BRINP3: variants seen among roughly 807,000 people sequenced by gnomAD.
BRINP3 encodes the protein BMP/retinoic acid inducible neural specific 3, also known as BMP/retinoic acid-inducible neural-specific protein 3.
Under a neutral mutation model 71.0 loss-of-function variants are expected in BRINP3, and 19 were observed. The observed-to-expected ratio is 0.27, with a 90% confidence interval of 0.19 to 0.39. The LOEUF is 0.39. Ranked by LOEUF, BRINP3 falls within the 10% of genes least tolerant of loss-of-function variation. BRINP3 has a pLI of 1.00. For synonymous variants in BRINP3, 380 were observed against 337.7 expected, an observed-to-expected ratio of 1.13 and a Z score of -1.37; for missense variants, 959 against 940.8, an observed-to-expected ratio of 1.02 and a Z score of -0.25.
chr1:190,428,528 C>T (rs1012057056), intron 2 of BRINP3, among the ~76,000 whole-genome samples: 6 of 151,970 alleles, frequency 3.9e-5, no homozygotes, highest in African/African-American at 1.4e-4. Context: ...AAATTTCTAT[C>T]TTGTTTGTGT....
In BRINP3 at chr1:190,356,965, C is replaced by T. The variant is rs193035844; in HGVS notation, c.237-75215G>A. On this transcript the variant is annotated intron_variant, in intron 2 of 7. Transcript: ENST00000367462. ...GCGACTGAGGAGACAACTAGGTTAA[C>T]AGGTACTCTACAGAGGGACAGAGTG... is the stretch of plus-strand genomic sequence containing the variant. 1.9e-3 allele frequency among the ~76,000 whole-genome samples: 291 copies of T among 151,280 alleles called. 3 individuals are homozygous for T. Among genetic ancestry groups the T allele is most frequent in the African/African-American group, 7.0e-3 (286 of 40,706 alleles).
chr1:190,450,368 T>C (rs1326371495), intron 2 of BRINP3, among the ~76,000 whole-genome samples: 2 of 152,208 alleles, frequency 1.3e-5, no homozygotes, highest in Non-Finnish European at 2.9e-5. Context: ...ACTACTTCAA[T>C]GCCTCTCATA....
intron 2 of BRINP3, among the ~76,000 whole-genome samples, chr1:190,392,883 G>A (rs1416843661): frequency 6.6e-6 from 1 of 151,564 alleles, no homozygotes; most frequent in Non-Finnish European, 1.5e-5. Context: ...TTAGTAAAAT[G>A]AAATACTTGT....
chr1:190,161,039 A>G (rs934909172), intron 6 of BRINP3, 149 bp from the exon 7 acceptor site: 1 of 562,448 alleles, frequency 1.8e-6, no homozygotes, highest in Non-Finnish European at 3.1e-6. Context: ...TGTGAGTAGC[A>G]AATTAATAGA....
intron 2 of BRINP3, among the ~76,000 whole-genome samples, chr1:190,358,919 C>A (rs559863393): frequency 7.2e-5 from 11 of 152,084 alleles, no homozygotes; most frequent in Admixed American, 5.2e-4. Flanking sequence ...GGACAAAAAA[C>A]CAAACATTGC....
chr1:190,173,879 T>C (rs1316276506), intron 6 of BRINP3, among the ~76,000 whole-genome samples: 1 of 152,178 alleles, frequency 6.6e-6, no homozygotes, highest in African/African-American at 2.4e-5. Flanking sequence ...ACATCTGGCT[T>C]CTCATATCTG....
intron 7 of BRINP3, among the ~76,000 whole-genome samples, chr1:190,124,283 AT>A (rs1653913991): frequency 1.3e-5 from 2 of 152,182 alleles, no homozygotes. Flanking sequence ...CTGCTATGGA[AT>A]GACATAACAA....
chr1:190,220,700 G>C (rs1259824439), intron 6 of BRINP3, among the ~76,000 whole-genome samples: 2 of 151,920 alleles, frequency 1.3e-5, no homozygotes, highest in Admixed American at 6.6e-5. Context: ...ACATGAAGGA[G>C]AGATAAACTA....
chr1:190,344,094 C>A (rs1371496701), intron 2 of BRINP3, among the ~76,000 whole-genome samples: 3 of 151,514 alleles, frequency 2.0e-5, no homozygotes, highest in African/African-American at 7.3e-5. Flanking sequence ...GTTTATTCAC[C>A]AAGATAAAAT....
At chr1:190,376,931 C>T (rs977473771) in intron 2 of BRINP3, among the ~76,000 whole-genome samples, 3 of 151,962 alleles carry the variant, frequency 2.0e-5, no homozygotes, top group Non-Finnish European at 4.4e-5. Flanking sequence ...CAGTGCTATC[C>T]AGTAAATTTT....
intron 2 of BRINP3, among the ~76,000 whole-genome samples, chr1:190,363,942 CAA>C (rs1285845216): frequency 6.6e-6 from 1 of 151,662 alleles, no homozygotes; most frequent in Non-Finnish European, 1.5e-5. Flanking sequence ...TGAGAGAAAA[CAA>C]ATTAAATTTT....
At chr1:190,471,538 T>G (rs1677138867) in intron 1 of BRINP3, among the ~76,000 whole-genome samples, 1 of 151,352 alleles carries the variant, frequency 6.6e-6, no homozygotes, top group East Asian at 1.9e-4. Context: ...CTAAATAAGT[T>G]TATCCAAGTA....
chr1:190,306,994 T>G (rs1055891181), intron 2 of BRINP3, among the ~76,000 whole-genome samples: 12 of 151,888 alleles, frequency 7.9e-5, no homozygotes, highest in African/African-American at 2.9e-4. Context: ...ATCATTTCCA[T>G]GAAACTCGTG....
At chr1:190,166,213 C>T (rs566907770) in intron 6 of BRINP3, among the ~76,000 whole-genome samples, 1 of 152,220 alleles carries the variant, frequency 6.6e-6, no homozygotes, top group East Asian at 1.9e-4. Flanking sequence ...AGCTTGTGAA[C>T]TGGACAATTT....
chr1:190,270,687 C>T (rs1476033504), intron 3 of BRINP3, among the ~76,000 whole-genome samples: 1 of 151,670 alleles, frequency 6.6e-6, no homozygotes, highest in Non-Finnish European at 1.5e-5. Context: ...GTATTCATAA[C>T]TCCTGTTCTA....
chr1:190,316,321 CT>C (rs1665879665), intron 2 of BRINP3, among the ~76,000 whole-genome samples: 1 of 152,008 alleles, frequency 6.6e-6, no homozygotes, highest in African/African-American at 2.4e-5. Context: ...ATCTGAGGCA[CT>C]AAGAAATTAT....
intron 2 of BRINP3, among the ~76,000 whole-genome samples, chr1:190,379,988 A>G (rs1670438408): frequency 8.5e-6 from 1 of 117,988 alleles, no homozygotes; most frequent in African/African-American, 3.2e-5. Flanking sequence ...ACAGGGAGAG[A>G]CTCCACCTCA....
intron 2 of BRINP3, among the ~76,000 whole-genome samples, chr1:190,442,850 G>C (rs1674922390): frequency 6.7e-6 from 1 of 149,496 alleles, no homozygotes; most frequent in Non-Finnish European, 1.5e-5. Context: ...TTGAGGTATA[G>C]GTGCCTTAAC....
chr1:190,440,932 A>T (rs1409333601), intron 2 of BRINP3, among the ~76,000 whole-genome samples: 2 of 152,028 alleles, frequency 1.3e-5, no homozygotes, highest in Non-Finnish European at 2.9e-5. Flanking sequence ...ATTCTAATAT[A>T]CAAAAAAGAA....
Sources: allele counts gnomAD v4.1 joint callset (sites outside exome capture counted in the v4.1 genomes callset), GRCh38; gene constraint gnomAD v4.1.1; transcripts MANE v1.5; gene names NCBI Gene and HGNC (gene_info 2026-07-23, HGNC 2026-07-21).